Variants in RCC1L observed in about 807,000 individuals in gnomAD.
RCC1L encodes RCC1-like G exchanging factor-like protein.
Under a neutral mutation model 58.6 loss-of-function variants are expected in RCC1L, and 46 were observed. That is an observed-to-expected ratio of 0.79 (90% CI 0.62 to 1.00). The LOEUF (loss-of-function observed/expected upper bound fraction) is 1.00, where lower values mean the gene tolerates loss of function less well. Ranked by LOEUF, RCC1L falls within the 50% of genes least tolerant of loss-of-function variation. The pLI, the probability that RCC1L is intolerant of heterozygous loss-of-function variation, is 0.00. For missense variants in RCC1L, 636 were observed against 623.6 expected, an observed-to-expected ratio of 1.02 and a Z score of -0.21; for synonymous variants, 281 against 262.9, an observed-to-expected ratio of 1.07 and a Z score of -0.67.
At chr7:75,050,818 G>A (rs1232602025) in intron 10 of RCC1L, among the ~76,000 whole-genome samples, 5 of 152,234 alleles carry the variant, frequency 3.3e-5, no homozygotes, top group South Asian at 2.1e-4. Context: ...TCGCCCGGGC[G>A]TGATGGGTCA....
At chr7:75,047,791 C>T (rs1022126019) in intron 10 of RCC1L, among the ~76,000 whole-genome samples, 7 of 151,220 alleles carry the variant, frequency 4.6e-5, no homozygotes, top group African/African-American at 1.5e-4. Flanking sequence ...GGATTACAGG[C>T]GTGCACCCCC....
Position 75,043,252 on chromosome 7 carries a change from G to A in RCC1L, c.1318-143C>T, listed in dbSNP as rs1371982984. ...TCTCAGCAGGAGACAGCTTGTCTCA[G>A]TAGGAGACAGCTTCTCTGAGCCTCG... is the stretch of plus-strand genomic sequence containing the variant. On this transcript the variant is annotated intron_variant, in intron 10 of 10. Coordinates refer to ENST00000610322, the MANE Select transcript of RCC1L (RefSeq NM_030798.5). 10 of 976,974 alleles carry A rather than the reference G, an allele frequency of 1.0e-5. No individual in the cohort carries two copies. The East Asian group carries it at 2.0e-4, about 20-fold the overall frequency. 60.5% of individuals were successfully genotyped at this position (976,974 alleles called of 1,614,324 possible).
chr7:75,037,809 A>G (rs1231214323), downstream of RCC1L, among the ~76,000 whole-genome samples: 12 of 152,160 alleles, frequency 7.9e-5, no homozygotes, highest in African/African-American at 2.9e-4. Context: ...ACACCTGGCC[A>G]TGGTTTATCC....
At chr7:75,051,317 CATAT>C (rs1298669405) in intron 10 of RCC1L, among the ~76,000 whole-genome samples, 1 of 148,356 alleles carries the variant, frequency 6.7e-6, no homozygotes, top group African/African-American at 2.5e-5. Context: ...TATATACACA[CATAT>C]ATACACACAC....
intron 1 of RCC1L, among the ~76,000 whole-genome samples, chr7:75,072,161 C>CATATATATATAGATATATATATAT (rs1806771982): frequency 2.2e-5 from 1 of 46,366 alleles, no homozygotes; most frequent in African/African-American, 5.8e-5. Context: ...TATACATATA[C>CATATATATATAGATATATATATAT]ATATATATAT....
intron 1 of RCC1L, among the ~76,000 whole-genome samples, chr7:75,072,161 C>T (rs868909339): frequency 0.1 from 4,429 of 43,504 alleles, 399 homozygotes; most frequent in East Asian, 0.25. Context: ...TATACATATA[C>T]ATATATATAT....
Position 75,042,651 on chromosome 7 carries a change from G to A in RCC1L, c.*381C>T, listed in dbSNP as rs1805600800. The A allele has an allele frequency of 9.1e-7, 1 of 1,093,788 alleles. No homozygotes were observed. The highest frequency in any genetic ancestry group is 2.7e-5 in the South Asian group (1 of 36,910). The allele number at this position is 1,093,788 out of a possible 1,614,324, so 67.8% of individuals were successfully genotyped here. On this transcript the variant is annotated 3_prime_UTR_variant, in exon 11 of 11. Transcript: ENST00000610322. ...GGCCTTGGCCAGACACAAACCAAGAGACTGCCATGACAGACAGAGCAGAAA... is the reference window on the plus strand; with the variant it reads ...GGCCTTGGCCAGACACAAACCAAGAAACTGCCATGACAGACAGAGCAGAAA...
Position 75,061,265 on chromosome 7 carries a change from C to G in RCC1L, c.729G>C (p.Leu243=). The stretch of plus-strand genomic sequence containing the variant: ...AGACTTCTCCTTTATCCGTCAGGAA[C>G]AGACTATGATCCTGACCACAGGCGA... ...VQVACGQDHS[L]FLTDKGEVYS... Residue 243 remains leucine, a synonymous_variant, in exon 6 of 11, where the codon CTG becomes CTC. Transcript: ENST00000610322. The G allele has an allele frequency of 6.2e-7, 1 of 1,613,790 alleles. No homozygotes were observed. The highest frequency in any genetic ancestry group is 8.5e-7 in the Non-Finnish European group (1 of 1,179,796).
chr7:75,057,650 A>G, intron 7 of RCC1L, 34 bp from the exon 8 acceptor site: 23 of 1,607,504 alleles, frequency 1.4e-5, no homozygotes, highest in Non-Finnish European at 2.0e-5. Flanking sequence ...CTGTTAGGAA[A>G]GCAAGCCAGT....
In RCC1L at chr7:75,063,330, C is replaced by T. The variant is rs1332895794; in HGVS notation, c.664G>A (p.Val222Ile). The T allele has an allele frequency of 1.5e-5, 25 of 1,613,852 alleles. 1 individual carries two copies. In the Admixed American group the frequency reaches 4.0e-4, roughly 26 times the overall value. The change falls in exon 5 of 11, where the codon GTC becomes ATC. Residue 222 changes from valine (V) to isoleucine (I), a missense_variant. Coordinates refer to ENST00000610322, the MANE Select transcript of RCC1L (RefSeq NM_030798.5). ...ENEIYSESHR[V>I]HRMQDFDGQV... is the part of the protein sequence containing the mutation. ...CCATCGAAGTCCTGCATCCTGTGGA[C>T]TCTGTGACTTTCACTACAGCCAGGA...
intron 4 of RCC1L, 145 bp from the exon 5 acceptor site, chr7:75,063,488 G>A (rs1584501234): frequency 1.1e-6 from 1 of 878,868 alleles, no homozygotes; most frequent in Non-Finnish European, 1.9e-6. Context: ...CAAATCTTAG[G>A]TCGAGTCAGG....
chr7:75,057,781 T>C (rs1806128529), intron 7 of RCC1L, 165 bp from the exon 8 acceptor site: 6 of 730,940 alleles, frequency 8.2e-6, no homozygotes, highest in African/African-American at 7.0e-5. Context: ...TGGGGTAGAA[T>C]GGGAAGCAAA....
At chr7:75,056,476 A>G in intron 8 of RCC1L, 1 of 1,449,366 alleles carries the variant, frequency 6.9e-7, no homozygotes, top group Admixed American at 2.4e-5. Context: ...CACATCAACA[A>G]TGTCTGGCCA....
At chr7:75,034,403 C>G (rs1387164691) in intron 10 of RCC1L, among the ~76,000 whole-genome samples, 1 of 152,146 alleles carries the variant, frequency 6.6e-6, no homozygotes, top group African/African-American at 2.4e-5. Context: ...GTAATTTCAG[C>G]TACTTGGGAG....
At chr7:75,041,421 G>A (rs587665232), downstream of RCC1L, among the ~76,000 whole-genome samples, 66 of 152,226 alleles carry the variant, frequency 4.3e-4, 3 homozygotes, top group South Asian at 8.7e-3. Context: ...ACTGGGCACC[G>A]ATGGGGCACA....
chr7:75,029,968 G>A (rs932141435), intron 10 of RCC1L, among the ~76,000 whole-genome samples: 5 of 152,320 alleles, frequency 3.3e-5, no homozygotes, highest in East Asian at 1.9e-4. Flanking sequence ...GACCAACCTG[G>A]TCAACATAGC....
At chr7:75,028,116 ATTTT>A (rs71098023) in intron 10 of RCC1L, 306 of 1,261,140 alleles carry the variant, frequency 2.4e-4, no homozygotes, top group Middle Eastern at 5.8e-4. Context: ...ATGATGTGGA[ATTTT>A]TTTTTTTTTT....
chr7:75,067,841 T>C (rs587640901), intron 2 of RCC1L, among the ~76,000 whole-genome samples: 26 of 151,720 alleles, frequency 1.7e-4, no homozygotes, highest in Admixed American at 1.4e-3. Context: ...CAAGACCCTG[T>C]CTCCCCTTAC....
At chr7:75,055,559 C>T (rs1284404091) in intron 9 of RCC1L, 5 of 364,230 alleles carry the variant, frequency 1.4e-5, no homozygotes, top group Non-Finnish European at 2.1e-5. Flanking sequence ...CCTAATCACC[C>T]ACCCATGGAT....
Sources: allele counts gnomAD v4.1 joint callset (sites outside exome capture counted in the v4.1 genomes callset), GRCh38; gene constraint gnomAD v4.1.1; transcripts MANE v1.5; gene names NCBI Gene and HGNC (gene_info 2026-07-23, HGNC 2026-07-21).